PTPRD: variants seen among roughly 807,000 people sequenced by gnomAD.
PTPRD encodes receptor-type tyrosine-protein phosphatase delta.
In PTPRD, 34 loss-of-function variants were observed where a neutral mutation model predicts 214.5. The observed-to-expected ratio is 0.16, with a 90% CI of 0.12 to 0.21. The LOEUF (loss-of-function observed/expected upper bound fraction) is 0.21. Ranked by LOEUF, PTPRD falls within the 10% of genes least tolerant of loss-of-function variation. PTPRD has a pLI of 1.00. For missense variants in PTPRD, 2,545 were observed against 2,398.7 expected (o/e 1.06, Z -1.27); for synonymous variants, 1,128 against 845.7 (o/e 1.33, Z -5.79).
At chr9:9,080,856 T>C (rs1477606167) in intron 10 of PTPRD, among the ~76,000 whole-genome samples, 2 of 152,138 alleles carry the variant, frequency 1.3e-5, no homozygotes, top group African/African-American at 2.4e-5. Flanking sequence ...CCCTTTATCA[T>C]TTTTTATTGC....
intron 9 of PTPRD, among the ~76,000 whole-genome samples, chr9:9,281,627 G>A (rs1947730418): frequency 1.3e-5 from 2 of 151,270 alleles, no homozygotes; most frequent in Admixed American, 6.6e-5. Flanking sequence ...TGGAACAGCA[G>A]GAATTCTCAT....
chr9:9,496,628 C>T (rs1438270012), intron 8 of PTPRD, among the ~76,000 whole-genome samples: 1 of 152,008 alleles, frequency 6.6e-6, no homozygotes, highest in Non-Finnish European at 1.5e-5. Context: ...GTGGAGAAAC[C>T]GAAACCCTTC....
intron 3 of PTPRD, among the ~76,000 whole-genome samples, chr9:10,038,453 C>T (rs1401731773): frequency 6.6e-6 from 1 of 152,082 alleles, no homozygotes; most frequent in African/African-American, 2.4e-5. Flanking sequence ...TTCTCTATCT[C>T]AGTGAACAAT....
chr9:10,049,257 G>C (rs1166793829), intron 3 of PTPRD, among the ~76,000 whole-genome samples: 2 of 152,016 alleles, frequency 1.3e-5, no homozygotes, highest in African/African-American at 2.4e-5. Context: ...TTCCAGGACA[G>C]ACATTTAACA....
intron 5 of PTPRD, among the ~76,000 whole-genome samples, chr9:9,923,725 G>T (rs977553143): frequency 1.3e-5 from 2 of 151,932 alleles, no homozygotes; most frequent in Non-Finnish European, 2.9e-5. Context: ...TGGAAGGGTG[G>T]AGGAGGTAAG....
intron 3 of PTPRD, among the ~76,000 whole-genome samples, chr9:10,267,728 C>G (rs956853353): frequency 6.6e-6 from 1 of 151,892 alleles, no homozygotes; most frequent in Non-Finnish European, 1.5e-5. Flanking sequence ...ATGTTATGCA[C>G]AAAAATGTTC....
At chr9:9,015,905 T>G (rs2099532968) in intron 11 of PTPRD, among the ~76,000 whole-genome samples, 2 of 152,058 alleles carry the variant, frequency 1.3e-5, no homozygotes, top group African/African-American at 4.8e-5. Flanking sequence ...TTGTTGTTGT[T>G]ATGGAGGTGA....
At chr9:8,612,025 G>C (rs1345530652) in intron 14 of PTPRD, among the ~76,000 whole-genome samples, 1 of 151,590 alleles carries the variant, frequency 6.6e-6, no homozygotes, top group African/African-American at 2.4e-5. Flanking sequence ...AGCAGGAATA[G>C]CATTCATTAT....
intron 2 of PTPRD, among the ~76,000 whole-genome samples, chr9:10,543,919 C>G (rs1397341480): frequency 6.6e-6 from 1 of 152,056 alleles, no homozygotes; most frequent in Non-Finnish European, 1.5e-5. Flanking sequence ...TAGAAAAGAT[C>G]CAATGTGGAG....
chr9:10,010,245 G>C (rs2096568386), intron 4 of PTPRD, among the ~76,000 whole-genome samples: 1 of 151,874 alleles, frequency 6.6e-6, no homozygotes, highest in Non-Finnish European at 1.5e-5. Flanking sequence ...TCAGGGCAAA[G>C]AGACTGAGTA....
At chr9:10,249,234 A>T (rs73400334) in intron 3 of PTPRD, among the ~76,000 whole-genome samples, 2,290 of 152,296 alleles carry the variant, frequency 0.015, 56 homozygotes, top group African/African-American at 0.049. Context: ...ACTAAAGACA[A>T]GATCCAGTGA....
intron 2 of PTPRD, among the ~76,000 whole-genome samples, chr9:10,364,951 G>A (rs755482773): frequency 1.1e-4 from 16 of 152,128 alleles, no homozygotes; most frequent in African/African-American, 1.9e-4. Flanking sequence ...GTTCTTTGTC[G>A]AAATAAGCCA....
chr9:9,019,293 A>AAAGAAAGAAAGAAAGAAAGAAAGG (rs1569428022), intron 10 of PTPRD, among the ~76,000 whole-genome samples: 23 of 41,886 alleles, frequency 5.5e-4, no homozygotes, highest in South Asian at 1.4e-3. Flanking sequence ...AGAAAGAAAG[A>AAAGAAAGAAAGAAAGAAAGAAAGG]AAGAAAGAAA....
intron 9 of PTPRD, among the ~76,000 whole-genome samples, chr9:9,262,763 G>A (rs2099980700): frequency 6.6e-6 from 1 of 151,534 alleles, no homozygotes; most frequent in Non-Finnish European, 1.5e-5. Context: ...ATTGTAATCA[G>A]TTTTCCATAT....
At position 8,960,441 on chromosome 9, in the gene PTPRD, C is replaced by T. The variant is rs888008675; in HGVS notation, c.-104+58256G>A. Among the ~76,000 whole-genome samples, 10 of 152,144 alleles carry T rather than the reference C, an allele frequency of 6.6e-5. No individual in the cohort carries two copies. The East Asian group carries it at 1.7e-3, about 27-fold the overall frequency. On this transcript the variant is annotated intron_variant, in intron 11 of 45. Coordinates refer to ENST00000381196, the MANE Select transcript of PTPRD (RefSeq NM_002839.4). The stretch of plus-strand genomic sequence containing the variant: ...ACGTGTACTAGGACATTGTGCTTTG[C>T]GTAGGCAGCAAGATCAGTAAAAGAA...
intron 12 of PTPRD, among the ~76,000 whole-genome samples, chr9:8,714,670 T>C (rs1265398150): frequency 6.6e-6 from 1 of 152,088 alleles, no homozygotes; most frequent in Non-Finnish European, 1.5e-5. Flanking sequence ...CTCCTCCCCA[T>C]GGCTAACTTC....
At chr9:9,285,540 G>T (rs556665300) in intron 9 of PTPRD, among the ~76,000 whole-genome samples, 2 of 151,790 alleles carry the variant, frequency 1.3e-5, no homozygotes, top group African/African-American at 2.4e-5. Context: ...TAAGGCATTA[G>T]CAATTGTGCA....
rs544834781 is a variant in PTPRD at position 10,097,097 on chromosome 9, A to G, written c.-544-63307T>C. On this transcript the variant is annotated intron_variant, in intron 3 of 45. Transcript: ENST00000381196. ...GCTCTGTTCTGTTCCATTGATCTATATCTCTGTTTTGGTACCAGTACCATG... is the reference window on the plus strand; with the variant it reads ...GCTCTGTTCTGTTCCATTGATCTATGTCTCTGTTTTGGTACCAGTACCATG... Among the ~76,000 whole-genome samples the G allele has an allele frequency of 3.8e-3, 574 of 149,878 alleles. 5 individuals are homozygous for G. Among genetic ancestry groups the G allele is most frequent in the African/African-American group, 0.013 (550 of 41,032 alleles).
chr9:9,461,945 T>C (rs758190536), intron 8 of PTPRD, among the ~76,000 whole-genome samples: 1 of 152,154 alleles, frequency 6.6e-6, no homozygotes, highest in Non-Finnish European at 1.5e-5. Flanking sequence ...ACTTCTACCT[T>C]ATTCCTCCTT....
Sources: allele counts gnomAD v4.1 joint callset (sites outside exome capture counted in the v4.1 genomes callset), GRCh38; gene constraint gnomAD v4.1.1; transcripts MANE v1.5; gene names NCBI Gene and HGNC (gene_info 2026-07-23, HGNC 2026-07-21).